TTC28: variants seen among roughly 807,000 people sequenced by gnomAD.
The protein encoded by TTC28 is tetratricopeptide repeat domain 28, also known as tetratricopeptide repeat protein 28.
In TTC28, 61 loss-of-function variants were observed where a neutral mutation model predicts 198.0. The ratio of observed to expected loss-of-function variants is 0.31; its 90% CI spans 0.25 to 0.38. The LOEUF is 0.38. Ranked by LOEUF, TTC28 falls within the 10% of genes least tolerant of loss-of-function variation. The pLI is 1.00. For missense variants in TTC28, 2,678 were observed against 3,164.0 expected, an observed-to-expected ratio of 0.85 and a Z score of 3.69; for synonymous variants, 1,171 against 1,297.8, an observed-to-expected ratio of 0.90 and a Z score of 2.10.
intron 10 of TTC28, among the ~76,000 whole-genome samples, chr22:28,097,218 T>C (rs1384798820): frequency 1.3e-5 from 2 of 152,212 alleles, no homozygotes; most frequent in African/African-American, 2.4e-5. Context: ...TCCCTTTCAC[T>C]GGCCTTGTCT....
intron 5 of TTC28, among the ~76,000 whole-genome samples, chr22:28,235,494 C>A: frequency 6.6e-6 from 1 of 152,146 alleles, no homozygotes; most frequent in Admixed American, 6.5e-5. Flanking sequence ...GGTTTAAATG[C>A]AGGCTTTTAA....
At chr22:28,314,551 A>G (rs2045322205) in intron 2 of TTC28, among the ~76,000 whole-genome samples, 1 of 152,158 alleles carries the variant, frequency 6.6e-6, no homozygotes, top group Admixed American at 6.5e-5. Flanking sequence ...GGCCTCCTAA[A>G]TAACACCACA....
intron 6 of TTC28, among the ~76,000 whole-genome samples, chr22:28,131,983 CA>C (rs1194033392): frequency 5.9e-5 from 9 of 152,148 alleles, no homozygotes; most frequent in African/African-American, 2.2e-4. Flanking sequence ...AATTCAATTT[CA>C]GAAATTTAAG....
chr22:28,314,355 A>G (rs2045318715), intron 2 of TTC28, among the ~76,000 whole-genome samples: 3 of 152,210 alleles, frequency 2.0e-5, no homozygotes, highest in African/African-American at 7.2e-5. Flanking sequence ...CAGAATTGGA[A>G]AAAACTACTT....
chr22:28,163,930 C>T (rs568801789), intron 5 of TTC28, among the ~76,000 whole-genome samples: 192 of 152,336 alleles, frequency 1.3e-3, no homozygotes, highest in African/African-American at 4.4e-3. Context: ...CCTGGAAAAT[C>T]AGGTCACTCC....
chr22:28,306,861 GAC>G (rs2045157285), intron 2 of TTC28, among the ~76,000 whole-genome samples: 1 of 152,128 alleles, frequency 6.6e-6, no homozygotes, highest in African/African-American at 2.4e-5. Context: ...TCACTTCTAA[GAC>G]ACATCAATTT....
chr22:27,999,200 C>G lies in TTC28; in HGVS notation c.4459G>C (p.Gly1487Arg). 1 of 1,550,892 alleles carries G rather than the reference C, an allele frequency of 6.4e-7. No homozygotes were observed. Residue 1487 changes from glycine (G) to arginine (R), a missense_variant, in exon 16 of 23, where the codon GGC becomes CGC. Physicochemically the swap from Gly to Arg is moderately radical, Grantham distance 125. Transcript: ENST00000397906. ...ACGGCCGATGGTAGCTTGGGGTTGCCGATGACAGCCGCCATGGATGTGGAG... is the reference window on the plus strand; with the variant it reads ...ACGGCCGATGGTAGCTTGGGGTTGCGGATGACAGCCGCCATGGATGTGGAG... Reference protein sequence around the residue: ...SSSTSMAAVIGNPKLPSAVMD... With the variant: ...SSSTSMAAVIRNPKLPSAVMD...
intron 2 of TTC28, among the ~76,000 whole-genome samples, chr22:28,507,262 T>A (rs2048624829): frequency 1.3e-5 from 2 of 152,048 alleles, no homozygotes; most frequent in Non-Finnish European, 2.9e-5. Flanking sequence ...AACCTCACAA[T>A]GCCATCACAA....
intron 5 of TTC28, among the ~76,000 whole-genome samples, chr22:28,249,312 C>T (rs738996): frequency 0.13 from 19,920 of 152,038 alleles, 1,779 homozygotes; most frequent in Non-Finnish European, 0.2. Context: ...GTCTTTATTT[C>T]AGTATCTGGC....
chr22:28,064,620 A>T (rs1244301790), intron 12 of TTC28, among the ~76,000 whole-genome samples: 1 of 152,064 alleles, frequency 6.6e-6, no homozygotes. Context: ...ATATATAATA[A>T]TATTTTATTG....
At position 28,339,187 on chromosome 22, in the gene TTC28, C is replaced by T. The variant is rs533715516; in HGVS notation, c.382-32544G>A. On this transcript the variant is annotated intron_variant, in intron 2 of 22. Coordinates refer to ENST00000397906, the MANE Select transcript of TTC28 (RefSeq NM_001145418.2). ...ATCAGCAGTGGAGGTTGCAGAACAG[C>T]GGATGCTGCAGAACAGCGGATATTG... Among the ~76,000 whole-genome samples, 11 of 152,198 alleles carry T rather than the reference C, an allele frequency of 7.2e-5. No homozygotes were observed. In the South Asian group the frequency reaches 1.9e-3, roughly 26 times the overall value.
chr22:28,456,160 GAAAA>G (rs777082418), intron 2 of TTC28, among the ~76,000 whole-genome samples: 1 of 106,416 alleles, frequency 9.4e-6, no homozygotes. Flanking sequence ...CTCTGTCTCA[GAAAA>G]AAAAAAAAAA....
intron 2 of TTC28, among the ~76,000 whole-genome samples, chr22:28,532,044 A>G (rs2049152193): frequency 6.6e-6 from 1 of 152,228 alleles, no homozygotes; most frequent in Non-Finnish European, 1.5e-5. Context: ...GCAGAAGGCA[A>G]GAAATAACTA....
intron 2 of TTC28, among the ~76,000 whole-genome samples, chr22:28,540,979 G>C (rs948709416): frequency 3.9e-5 from 6 of 152,142 alleles, no homozygotes; most frequent in Non-Finnish European, 8.8e-5. Flanking sequence ...CTAGCTGAAA[G>C]GCAACAAGAA....
In TTC28 at chr22:28,611,759, T is replaced by C. The variant is rs994941831; in HGVS notation, c.381+17793A>G. On this transcript the variant is annotated intron_variant, in intron 2 of 22. Coordinates refer to ENST00000397906, the MANE Select transcript of TTC28 (RefSeq NM_001145418.2). ...CACCTATGAGTGAGAATATGCGGTG[T>C]TTGGTTTTTTGTTCTTGCGATAGTT... Among the ~76,000 whole-genome samples the C allele has an allele frequency of 1.1e-4, 17 of 148,970 alleles. No homozygotes were observed. The South Asian group carries it at 1.3e-3, about 12-fold the overall frequency.
chr22:28,224,092 T>C (rs1037673044), intron 5 of TTC28, among the ~76,000 whole-genome samples: 3 of 152,176 alleles, frequency 2.0e-5, no homozygotes, highest in Admixed American at 1.3e-4. Context: ...TGGCAACTAG[T>C]GGGCAGAGGT....
intron 6 of TTC28, among the ~76,000 whole-genome samples, chr22:28,160,784 TTA>T (rs1480480352): frequency 1.3e-5 from 2 of 152,216 alleles, no homozygotes; most frequent in Non-Finnish European, 2.9e-5. Context: ...TTATACATTT[TTA>T]TATGTTAAGA....
chr22:28,346,013 A>G (rs1464710624), intron 2 of TTC28, among the ~76,000 whole-genome samples: 2 of 152,182 alleles, frequency 1.3e-5, no homozygotes, highest in African/African-American at 2.4e-5. Context: ...GGTTTGTGTG[A>G]AAGAAAGGAA....
intron 2 of TTC28, among the ~76,000 whole-genome samples, chr22:28,478,487 C>A (rs2048197200): frequency 6.6e-6 from 1 of 152,034 alleles, no homozygotes; most frequent in Non-Finnish European, 1.5e-5. Flanking sequence ...CTAGCCTGGG[C>A]AACAGAGTGA....
Sources: gnomAD v4.1 joint callset for allele counts (sites outside exome capture counted in the v4.1 genomes callset) on GRCh38, gnomAD v4.1.1 for gene constraint, MANE v1.5 for transcripts, NCBI Gene and HGNC (gene_info 2026-07-23, HGNC 2026-07-21) for gene names.